GRM7: variants seen among roughly 807,000 people sequenced by gnomAD.
The protein encoded by GRM7 is glutamate metabotropic receptor 7.
Under a neutral mutation model 84.5 loss-of-function variants are expected in GRM7, and 35 were observed. That is an observed-to-expected ratio of 0.41 (90% CI 0.32 to 0.55). The LOEUF is 0.55. Ranked by LOEUF, GRM7 falls within the 20% of genes least tolerant of loss-of-function variation. The probability of loss-of-function intolerance (pLI) is 0.19; values close to 1 mark genes in which losing one functional copy is unlikely to be tolerated. For synonymous variants in GRM7, 487 were observed against 455.1 expected (o/e 1.07, Z -0.89); for missense variants, 1,003 against 1,194.6 (o/e 0.84, Z 2.36).
At chr3:7,198,584 T>TAAGA (rs1425760122) in intron 2 of GRM7, among the ~76,000 whole-genome samples, 1 of 152,196 alleles carries the variant, frequency 6.6e-6, no homozygotes, top group Non-Finnish European at 1.5e-5. Context: ...ACACCATACA[T>TAAGA]TAGCCTAGCC....
intron 2 of GRM7, among the ~76,000 whole-genome samples, chr3:7,167,675 A>G (rs950447656): frequency 6.6e-6 from 1 of 152,102 alleles, no homozygotes; most frequent in Non-Finnish European, 1.5e-5. Context: ...GTCTCTTTAA[A>G]AAAAAGAATG....
At chr3:7,140,949 A>G (rs2125062300) in intron 1 of GRM7, among the ~76,000 whole-genome samples, 1 of 152,168 alleles carries the variant, frequency 6.6e-6, no homozygotes, top group African/African-American at 2.4e-5. Context: ...ATCTAAAGAA[A>G]TGTCCTACAA....
chr3:7,257,772 T>TCACGAG (rs1278414271), intron 2 of GRM7, among the ~76,000 whole-genome samples: 28 of 152,340 alleles, frequency 1.8e-4, no homozygotes, highest in African/African-American at 6.5e-4. Context: ...TCTTCCAGTT[T>TCACGAG]ATACATGATC....
At chr3:7,338,144 C>CACACT (rs1209955966) in intron 4 of GRM7, among the ~76,000 whole-genome samples, 3 of 131,180 alleles carry the variant, frequency 2.3e-5, no homozygotes, top group African/African-American at 9.6e-5. Context: ...ACACACACAC[C>CACACT]CCATGGAATA....
chr3:6,933,764 C>T (rs1187732942), intron 1 of GRM7, among the ~76,000 whole-genome samples: 1 of 136,888 alleles, frequency 7.3e-6, no homozygotes, highest in African/African-American at 2.5e-5. Context: ...AAAACATTGC[C>T]AGTTATTCTG....
At chr3:7,236,148 G>A (rs531162434) in intron 2 of GRM7, among the ~76,000 whole-genome samples, 89 of 152,228 alleles carry the variant, frequency 5.8e-4, no homozygotes, top group Admixed American at 1.2e-3. Context: ...CATTTATAAA[G>A]CAGAGACCTC....
Position 6,900,726 on chromosome 3 carries a change from T to C in GRM7, c.519+38819T>C, listed in dbSNP as rs150811364. On this transcript the variant is annotated intron_variant, in intron 1 of 9. Transcript: ENST00000357716. ...GGGTTCTTTTAAGGATATATTTGAA[T>C]GTCATTTCAAAAAATAAACACATTT... 3.3e-3 allele frequency among the ~76,000 whole-genome samples: 500 copies of C among 152,312 alleles called. 4 individuals are homozygous for C. The highest frequency in any genetic ancestry group is 0.011 in the African/African-American group (476 of 41,562).
chr3:7,614,106 A>T (rs772190343), intron 8 of GRM7, among the ~76,000 whole-genome samples: 1 of 152,108 alleles, frequency 6.6e-6, no homozygotes, highest in East Asian at 1.9e-4. Flanking sequence ...TCTACTAAGA[A>T]CTACAAAAAT....
intron 1 of GRM7, among the ~76,000 whole-genome samples, chr3:6,938,188 T>G (rs1697755559): frequency 6.6e-6 from 1 of 152,232 alleles, no homozygotes; most frequent in African/African-American, 2.4e-5. Context: ...ATTGTTCCCC[T>G]TCATTCACCA....
At chr3:7,022,862 A>G (rs887615243) in intron 1 of GRM7, among the ~76,000 whole-genome samples, 5 of 152,194 alleles carry the variant, frequency 3.3e-5, no homozygotes, top group South Asian at 2.1e-4. Flanking sequence ...TAATAGGAGA[A>G]AAAGCATACA....
chr3:7,321,392 A>G (rs929189227), intron 4 of GRM7, among the ~76,000 whole-genome samples: 2 of 152,044 alleles, frequency 1.3e-5, no homozygotes, highest in African/African-American at 4.8e-5. Flanking sequence ...GATGAAATCA[A>G]TGAATATAGA....
At chr3:7,652,274 T>G (rs1698979514) in intron 8 of GRM7, among the ~76,000 whole-genome samples, 1 of 152,130 alleles carries the variant, frequency 6.6e-6, no homozygotes, top group Non-Finnish European at 1.5e-5. Flanking sequence ...AAAAGGGACA[T>G]GTGGTCATTC....
chr3:7,015,086 G>T (rs890865394), intron 1 of GRM7, among the ~76,000 whole-genome samples: 4 of 152,150 alleles, frequency 2.6e-5, no homozygotes, highest in Non-Finnish European at 4.4e-5. Flanking sequence ...GGACCCATCA[G>T]CAGGGTGTGG....
intron 2 of GRM7, among the ~76,000 whole-genome samples, chr3:7,278,175 C>A (rs1209903849): frequency 1.3e-5 from 2 of 152,000 alleles, no homozygotes; most frequent in Admixed American, 1.3e-4. Context: ...ATACTCAAAA[C>A]TATAAAGACA....
chr3:7,607,447 C>T (rs556998795), intron 8 of GRM7: 1 of 151,990 alleles, frequency 6.6e-6, no homozygotes, highest in Non-Finnish European at 1.5e-5. Flanking sequence ...ATAAAGAAAA[C>T]CAAAACAAAA....
chr3:7,262,285 C>T, intron 2 of GRM7, among the ~76,000 whole-genome samples: 1 of 152,026 alleles, frequency 6.6e-6, no homozygotes, highest in East Asian at 1.9e-4. Flanking sequence ...CAGAGGTTTT[C>T]TTTGTTCCTT....
intron 2 of GRM7, among the ~76,000 whole-genome samples, chr3:7,226,901 A>G (rs1466088211): frequency 3.3e-5 from 5 of 152,178 alleles, no homozygotes; most frequent in Admixed American, 3.3e-4. Context: ...TGAACCACAC[A>G]AAGCCTAAGA....
chr3:6,998,054 G>A (rs990353520), intron 1 of GRM7, among the ~76,000 whole-genome samples: 11 of 134,704 alleles, frequency 8.2e-5, no homozygotes, highest in Admixed American at 3.6e-4. Context: ...ACAAGGTGGA[G>A]GTTGCAGTGA....
At chr3:7,616,263 A>C (rs529072428) in intron 8 of GRM7, among the ~76,000 whole-genome samples, 4 of 152,282 alleles carry the variant, frequency 2.6e-5, no homozygotes, top group African/African-American at 9.6e-5. Flanking sequence ...ACAATTCTTT[A>C]AACACTAAAT....
Sources: allele counts gnomAD v4.1 joint callset (sites outside exome capture counted in the v4.1 genomes callset), GRCh38; gene constraint gnomAD v4.1.1; transcripts MANE v1.5; gene names NCBI Gene and HGNC (gene_info 2026-07-23, HGNC 2026-07-21).